The following DNAH12 variants were observed in gnomAD, a reference collection of about 807,000 sequenced individuals.
DNAH12 encodes dynein axonemal heavy chain 12, also known as axonemal beta dynein heavy chain 12.
DNAH12 carries 285 observed loss-of-function variants against 371.5 expected under a neutral mutation model. The ratio of observed to expected loss-of-function variants is 0.77; its 90% CI spans 0.70 to 0.85. The LOEUF is 0.85. DNAH12 is among the 40% of genes least tolerant of loss of function. The pLI is 0.00. For missense variants in DNAH12, 3,611 were observed against 3,689.4 expected (o/e 0.98, Z 0.55); for synonymous variants, 1,200 against 1,213.0 (o/e 0.99, Z 0.22).
chr3:57,442,306 T>A (rs1013201618), intron 29 of DNAH12, among the ~76,000 whole-genome samples: 1 of 151,804 alleles, frequency 6.6e-6, no homozygotes, highest in Non-Finnish European at 1.5e-5. Context: ...ATACAATACT[T>A]AAAGCAGAAA....
chr3:57,535,428 C>T (rs963344442), intron 2 of DNAH12, among the ~76,000 whole-genome samples: 2 of 152,242 alleles, frequency 1.3e-5, no homozygotes, highest in African/African-American at 4.8e-5. Flanking sequence ...TGCTTTCCAT[C>T]ATGTTATCAC....
intron 34 of DNAH12, among the ~76,000 whole-genome samples, chr3:57,427,723 A>AG (rs1235792067): frequency 6.6e-6 from 1 of 152,036 alleles, no homozygotes; most frequent in Non-Finnish European, 1.5e-5. Flanking sequence ...AATAAAAAGA[A>AG]GGCCATGTGA....
rs1317663092 is a variant in DNAH12, at chr3:57,413,915, A to G, written c.5854-3T>C. On this transcript the variant is annotated splice_region_variant and splice_polypyrimidine_tract_variant and intron_variant, in intron 38 of 73. Transcript: ENST00000495027. Reference sequence around the variant, plus strand: ...TCCAATCTAGCCATGATAATGTTCTAAAATATGAAGGAAGAATGGTATATT... The same window carrying G: ...TCCAATCTAGCCATGATAATGTTCTGAAATATGAAGGAAGAATGGTATATT... 6 of 1,548,650 alleles carry G rather than the reference A, an allele frequency of 3.9e-6. No individual in the cohort carries two copies. Among genetic ancestry groups the G allele is most frequent in the Non-Finnish European group, 5.2e-6 (6 of 1,145,992 alleles).
chr3:57,348,913 A>G (rs1350282059), intron 60 of DNAH12, among the ~76,000 whole-genome samples: 1 of 152,234 alleles, frequency 6.6e-6, no homozygotes, highest in Non-Finnish European at 1.5e-5. Flanking sequence ...AGATCCAAGA[A>G]TAAGAAAGAC....
chr3:57,352,764 A>G (rs1201168280), intron 59 of DNAH12, among the ~76,000 whole-genome samples: 2 of 152,192 alleles, frequency 1.3e-5, no homozygotes, highest in African/African-American at 4.8e-5. Flanking sequence ...AAAGAAGCAT[A>G]AAGTCTAGAT....
chr3:57,408,251 A>G, intron 40 of DNAH12, 29 bp downstream of exon 40: 1 of 1,489,720 alleles, frequency 6.7e-7, no homozygotes, highest in Non-Finnish European at 8.9e-7. Flanking sequence ...ATGTAATACT[A>G]AAACATTTAC....
rs546117246 is a variant in DNAH12 at position 57,407,722 on chromosome 3, C to T, written c.6276+558G>A. 2.6e-4 allele frequency among the ~76,000 whole-genome samples: 40 copies of T among 152,224 alleles called. No individual in the cohort carries two copies. The South Asian group carries it at 7.0e-3, about 27-fold the overall frequency. ...TTTGAACAGAGGCAAATAACACACCCGAAATAAGTTAAAAACTGTTCTTTG... is the reference window on the plus strand; with the variant it reads ...TTTGAACAGAGGCAAATAACACACCTGAAATAAGTTAAAAACTGTTCTTTG... On this transcript the variant is annotated intron_variant, in intron 40 of 73. Coordinates refer to ENST00000495027, the MANE Select transcript of DNAH12 (RefSeq NM_001366028.2).
intron 29 of DNAH12, among the ~76,000 whole-genome samples, chr3:57,439,437 C>T (rs748510155): frequency 5.3e-5 from 8 of 152,102 alleles, no homozygotes; most frequent in African/African-American, 9.7e-5. Flanking sequence ...TGGACAAAAG[C>T]GATGGAGAAA....
In DNAH12 at chr3:57,293,811, C is replaced by G; in HGVS notation, c.11853G>C (p.Gly3951=). The G allele has an allele frequency of 6.5e-7, 1 of 1,547,916 alleles. No homozygotes were observed. Among genetic ancestry groups the G allele is most frequent in the Non-Finnish European group, 8.7e-7 (1 of 1,145,272 alleles). ...DQPTRHWIKR[G]VALLCQLDD ...CATCCAACTGACAAAGCAAAGCAAC[C>G]CCGCGCTTGATCCAGTGCCGAGTAG... The change falls in exon 74 of 74, where the codon GGG becomes GGC. Residue 3951 remains glycine (G), a synonymous_variant. Transcript: ENST00000495027.
Position 57,394,310 on chromosome 3 carries a change from A to T in DNAH12, c.6971T>A (p.Met2324Lys), listed in dbSNP as rs912300120. ...DMKGLLRNVG[M>K]KGQKTVFLIT... ...AAGAAAGACGGTCTTCTGGCCCTTCATGCCCACATTCCTTAACAGACCCTT... is the reference window on the plus strand; with the variant it reads ...AAGAAAGACGGTCTTCTGGCCCTTCTTGCCCACATTCCTTAACAGACCCTT... The change falls in exon 44 of 74, where the codon ATG becomes AAG. Residue 2324 changes from methionine to lysine, a missense_variant. Transcript: ENST00000495027. 20 of 152,364 alleles carry T rather than the reference A, an allele frequency of 1.3e-4. No individual in the cohort carries two copies. Among genetic ancestry groups the T allele is most frequent in the African/African-American group, 4.1e-4 (17 of 41,574 alleles). The allele number at this position is 152,364 out of a possible 1,614,324, so 9.4% of individuals were successfully genotyped here. A position where few individuals can be genotyped will look rare whatever the true frequency, so the allele number is the denominator to read the frequency against.
At chr3:57,530,761 A>G (rs2068814032) in intron 2 of DNAH12, 1 of 232,584 alleles carries the variant, frequency 4.3e-6, no homozygotes, top group African/African-American at 2.3e-5. Flanking sequence ...CACCTACATC[A>G]CTTGGAGCCC....
chr3:57,532,891 G>A (rs2068899171), intron 2 of DNAH12, among the ~76,000 whole-genome samples: 1 of 152,212 alleles, frequency 6.6e-6, no homozygotes, highest in Non-Finnish European at 1.5e-5. Context: ...AGGTGGTGAA[G>A]CAAGACAGGC....
chr3:57,359,559 C>CAAAAAAAAAAAAAAAAAA (rs1268515074), intron 58 of DNAH12, among the ~76,000 whole-genome samples: 1 of 72,104 alleles, frequency 1.4e-5, no homozygotes, highest in Non-Finnish European at 2.8e-5. Context: ...AACTCCATCT[C>CAAAAAAAAAAAAAAAAAA]AAAAAAAAAA....
intron 60 of DNAH12, among the ~76,000 whole-genome samples, chr3:57,335,621 T>C (rs149483124): frequency 7.8e-4 from 119 of 152,332 alleles, no homozygotes; most frequent in South Asian, 6.4e-3. Context: ...TGTAACATAA[T>C]GGCATGTATT....
intron 65 of DNAH12, among the ~76,000 whole-genome samples, chr3:57,321,256 G>C (rs532902539): frequency 7.6e-4 from 116 of 152,158 alleles, no homozygotes; most frequent in African/African-American, 2.6e-3. Flanking sequence ...ATCCTCTCTT[G>C]TTCTAAGATT....
At chr3:57,379,952 G>T (rs906646254) in intron 51 of DNAH12, among the ~76,000 whole-genome samples, 4 of 150,968 alleles carry the variant, frequency 2.6e-5, no homozygotes, top group Non-Finnish European at 5.9e-5. Context: ...AAAATAATAT[G>T]CTATACTTTT....
intron 2 of DNAH12, among the ~76,000 whole-genome samples, chr3:57,539,588 T>A (rs985062112): frequency 6.6e-6 from 1 of 151,108 alleles, no homozygotes; most frequent in African/African-American, 2.4e-5. Context: ...CTTCTCTCTA[T>A]CCCACTGTCT....
rs546567496 is a variant in DNAH12 at position 57,477,647 on chromosome 3, C to T, written c.1651-4976G>A. Among the ~76,000 whole-genome samples the T allele has an allele frequency of 2.6e-4, 40 of 152,290 alleles. 1 individual carries two copies. Among genetic ancestry groups the T allele is most frequent in the South Asian group, 1.7e-3 (8 of 4,816 alleles). On this transcript the variant is annotated intron_variant, in intron 13 of 73. Transcript: ENST00000495027. ...CCTCCTCAAGTGGGTCCCTGACCCC[C>T]GAGTAGCCTAACTGGGAGGCACCCC...
At chr3:57,333,417 G>A (rs1031491802) in intron 62 of DNAH12, among the ~76,000 whole-genome samples, 2 of 145,826 alleles carry the variant, frequency 1.4e-5, no homozygotes, top group African/African-American at 5.1e-5. Context: ...TGCAACCTCC[G>A]CCTCTCCAGT....
Sources: allele counts gnomAD v4.1 joint callset (sites outside exome capture counted in the v4.1 genomes callset), GRCh38; gene constraint gnomAD v4.1.1; transcripts MANE v1.5; gene names NCBI Gene and HGNC (gene_info 2026-07-23, HGNC 2026-07-21).